NREP: variants seen among roughly 807,000 people sequenced by gnomAD.
The protein encoded by NREP is neuronal regeneration related protein, also known as neuronal regeneration-related protein.
Under a neutral mutation model 8.6 loss-of-function variants are expected in NREP, and 5 were observed. The ratio of observed to expected loss-of-function variants is 0.58; its 90% confidence interval spans 0.30 to 1.22. The LOEUF (loss-of-function observed/expected upper bound fraction) is 1.22. Ranked by LOEUF, NREP falls within the 50% of genes most tolerant of loss-of-function variation. The probability of loss-of-function intolerance (pLI) is 0.07; values close to 1 mark genes in which losing one functional copy is unlikely to be tolerated. For synonymous variants in NREP, 27 were observed against 28.0 expected (o/e 0.96, Z 0.11); for missense variants, 86 against 82.5 (o/e 1.04, Z -0.17).
At chr5:111,744,408 T>A (rs1164422327) in intron 2 of NREP, among the ~76,000 whole-genome samples, 1 of 151,606 alleles carries the variant, frequency 6.6e-6, no homozygotes, top group African/African-American at 2.4e-5. Context: ...AATTCTTATC[T>A]GGTAAGAATT....
chr5:111,903,176 C>T lies in NREP; in HGVS notation c.135+72098G>A, dbSNP rs184124642. On this transcript the variant is annotated intron_variant, in intron 2 of 3. Transcript: ENST00000395634. ...TTGGCTCACTGCAACCTCCACCTCCCGGGTTCAAATGATTCTTGTGCCTCA... is the reference window on the plus strand; with the variant it reads ...TTGGCTCACTGCAACCTCCACCTCCTGGGTTCAAATGATTCTTGTGCCTCA... 5.7e-3 allele frequency among the ~76,000 whole-genome samples: 866 copies of T among 151,270 alleles called. 2 individuals are homozygous for T. Among genetic ancestry groups the T allele is most frequent in the African/African-American group, 0.02 (831 of 41,152 alleles).
intron 2 of NREP, among the ~76,000 whole-genome samples, chr5:111,953,628 A>G (rs1756228267): frequency 6.6e-6 from 1 of 152,070 alleles, no homozygotes; most frequent in Non-Finnish European, 1.5e-5. Flanking sequence ...GCCCTCAAAA[A>G]CCTCAGACAC....
At chr5:111,928,478 G>T (rs1335949431) in intron 2 of NREP, among the ~76,000 whole-genome samples, 1 of 152,076 alleles carries the variant, frequency 6.6e-6, no homozygotes, top group South Asian at 2.1e-4. Context: ...GTGAATCTAC[G>T]TCCCTGTGCT....
At chr5:111,964,800 T>A (rs1756586190) in intron 2 of NREP, among the ~76,000 whole-genome samples, 1 of 137,904 alleles carries the variant, frequency 7.3e-6, no homozygotes, top group Admixed American at 8.1e-5. Context: ...CTGTAGAGAT[T>A]ACAATTTCTA....
chr5:111,864,515 A>G (rs1012652490), intron 2 of NREP, among the ~76,000 whole-genome samples: 6 of 152,294 alleles, frequency 3.9e-5, no homozygotes, highest in Non-Finnish European at 8.8e-5. Flanking sequence ...AAAGACATAC[A>G]TATAATGAAA....
chr5:111,955,810 G>A (rs1756298834), intron 2 of NREP, among the ~76,000 whole-genome samples: 1 of 151,364 alleles, frequency 6.6e-6, no homozygotes, highest in Non-Finnish European at 1.5e-5. Flanking sequence ...GTAAGAGGCA[G>A]AGCATGGGAG....
intron 2 of NREP, among the ~76,000 whole-genome samples, chr5:111,952,699 G>T (rs982875103): frequency 6.6e-6 from 1 of 152,048 alleles, no homozygotes; most frequent in African/African-American, 2.4e-5. Context: ...GGAAATTTAA[G>T]GCATGGGGAA....
At chr5:111,823,496 TAAGAA>T (rs1447706883) in intron 2 of NREP, among the ~76,000 whole-genome samples, 1 of 152,180 alleles carries the variant, frequency 6.6e-6, no homozygotes, top group Non-Finnish European at 1.5e-5. Context: ...ACTTTTTCCC[TAAGAA>T]AAATGTCCAG....
chr5:111,959,779 C>G (rs1756431646), intron 2 of NREP, among the ~76,000 whole-genome samples: 1 of 151,908 alleles, frequency 6.6e-6, no homozygotes, highest in Non-Finnish European at 1.5e-5. Context: ...CATTTGTATT[C>G]CTTACAAACC....
chr5:111,771,490 C>T (rs1019827171), intron 2 of NREP, among the ~76,000 whole-genome samples: 2 of 151,292 alleles, frequency 1.3e-5, no homozygotes, highest in Admixed American at 6.6e-5. Context: ...CATTTATGTG[C>T]GGTGGCTCAT....
intron 2 of NREP, among the ~76,000 whole-genome samples, chr5:111,882,959 C>G (rs1754128522): frequency 6.6e-6 from 1 of 152,188 alleles, no homozygotes; most frequent in Non-Finnish European, 1.5e-5. Flanking sequence ...ATGACAGGAT[C>G]AAATTCACAC....
chr5:111,857,493 A>T (rs1753450971), intron 2 of NREP, among the ~76,000 whole-genome samples: 1 of 152,164 alleles, frequency 6.6e-6, no homozygotes, highest in African/African-American at 2.4e-5. Context: ...ATACTCCTGA[A>T]ATCAAACTCT....
chr5:111,786,444 C>G lies in NREP; in HGVS notation c.136-50937G>C, dbSNP rs753748104. 1.7e-4 allele frequency among the ~76,000 whole-genome samples: 26 copies of G among 152,322 alleles called. No individual in the cohort carries two copies. The Middle Eastern group carries it at 0.01, about 60-fold the overall frequency. On this transcript the variant is annotated intron_variant, in intron 2 of 3. Coordinates refer to the NREP transcript ENST00000395634. ...AATATCCCACAGTGCCTAGTTCTGT[C>G]TCTCTCCTGACCTCCAGAAAGATGT...
chr5:111,967,334 A>G (rs1014375004), intron 2 of NREP, among the ~76,000 whole-genome samples: 4 of 152,168 alleles, frequency 2.6e-5, no homozygotes, highest in African/African-American at 9.7e-5. Flanking sequence ...ATCAAAATGT[A>G]AAAACTCCTT....
At chr5:111,760,705 C>A (rs982516627), upstream of NREP, among the ~76,000 whole-genome samples, 1 of 152,160 alleles carries the variant, frequency 6.6e-6, no homozygotes, top group Non-Finnish European at 1.5e-5. Context: ...GAGGCAGGGG[C>A]AGATCATGAG....
At chr5:111,769,157 T>C (rs915983834) in intron 2 of NREP, among the ~76,000 whole-genome samples, 2 of 152,222 alleles carry the variant, frequency 1.3e-5, no homozygotes, top group African/African-American at 4.8e-5. Flanking sequence ...GTTTAAGCAT[T>C]ACCTTTGGTG....
chr5:111,777,074 A>G (rs760994945), intron 2 of NREP, among the ~76,000 whole-genome samples: 1 of 151,766 alleles, frequency 6.6e-6, no homozygotes, highest in South Asian at 2.1e-4. Context: ...GAGCAGCTAT[A>G]TATGTACCCA....
chr5:111,869,315 A>C (rs191232009), intron 2 of NREP, among the ~76,000 whole-genome samples: 82 of 152,294 alleles, frequency 5.4e-4, no homozygotes, highest in African/African-American at 1.7e-3. Flanking sequence ...AAATTTCCTT[A>C]CGTTCCATTT....
intron 2 of NREP, among the ~76,000 whole-genome samples, chr5:111,841,544 G>A (rs1156469163): frequency 6.6e-6 from 1 of 152,148 alleles, no homozygotes; most frequent in African/African-American, 2.4e-5. Flanking sequence ...CGGTTGTAGT[G>A]GAAGACATAA....
Sources: allele counts gnomAD v4.1 joint callset (sites outside exome capture counted in the v4.1 genomes callset), GRCh38; gene constraint gnomAD v4.1.1; transcripts MANE v1.5; gene names NCBI Gene and HGNC (gene_info 2026-07-23, HGNC 2026-07-21).